PCDH19: variants seen among roughly 807,000 people sequenced by gnomAD.
The protein encoded by PCDH19 is protocadherin-19.
Under a neutral mutation model 46.2 loss-of-function variants are expected in PCDH19, and 6 were observed. The ratio of observed to expected loss-of-function variants is 0.13; its 90% CI spans 0.07 to 0.26. The LOEUF (loss-of-function observed/expected upper bound fraction) is 0.26. PCDH19 is among the 10% of genes least tolerant of loss of function. The pLI is 1.00. For missense variants in PCDH19, 740 were observed against 972.3 expected, an observed-to-expected ratio of 0.76 and a Z score of 3.18; for synonymous variants, 481 against 415.7, an observed-to-expected ratio of 1.16 and a Z score of -1.91.
intron 5 of PCDH19, among the ~76,000 whole-genome samples, chrX:100,321,914 T>G (rs865855321): frequency 9.6e-6 from 1 of 104,687 alleles, no homozygotes; most frequent in Non-Finnish European, 1.9e-5. Flanking sequence ...CTCAGCCTCC[T>G]GAGTAGCTGG....
chrX:100,305,043 C>A (rs1924899458), intron 5 of PCDH19, among the ~76,000 whole-genome samples: 1 of 111,854 alleles, frequency 8.9e-6, no homozygotes, highest in South Asian at 3.7e-4. Context: ...TGCTAGAGAT[C>A]TAGACATCCA....
chrX:100,313,805 G>C (rs1925205061), intron 5 of PCDH19, among the ~76,000 whole-genome samples: 1 of 107,705 alleles, frequency 9.3e-6, no homozygotes, highest in Admixed American at 1.0e-4. Context: ...GGCAGATGCA[G>C]AATTATATTT....
intron 5 of PCDH19, among the ~76,000 whole-genome samples, chrX:100,313,918 A>G (rs970689479): frequency 9.2e-6 from 1 of 108,781 alleles, no homozygotes; most frequent in Admixed American, 9.8e-5. Context: ...AAGTCTATAC[A>G]GAATTGTAAT....
chrX:100,405,819 T>C (rs62602760), intron 1 of PCDH19, among the ~76,000 whole-genome samples: 9 of 112,298 alleles, frequency 8.0e-5, no homozygotes, highest in Non-Finnish European at 1.7e-4. Flanking sequence ...AACATACAGA[T>C]GCCTGATAGA....
At chrX:100,316,278 T>C (rs1158785328) in intron 5 of PCDH19, among the ~76,000 whole-genome samples, 1 of 112,115 alleles carries the variant, frequency 8.9e-6, no homozygotes, top group Non-Finnish European at 1.9e-5. Flanking sequence ...AGAAAAATAG[T>C]TTTTCAATAG....
At chrX:100,332,922 A>G (rs1469839863) in intron 5 of PCDH19, among the ~76,000 whole-genome samples, 1 of 108,154 alleles carries the variant, frequency 9.2e-6, no homozygotes, top group African/African-American at 3.4e-5. Context: ...GGGTCGCCTG[A>G]GCCCAGGAGG....
At chrX:100,358,182 T>C (rs1463375096) in intron 3 of PCDH19, among the ~76,000 whole-genome samples, 1 of 112,074 alleles carries the variant, frequency 8.9e-6, no homozygotes. Context: ...TGACAACATA[T>C]GATAGTGTTC....
intron 3 of PCDH19, among the ~76,000 whole-genome samples, chrX:100,382,028 A>G (rs1475345080): frequency 9.0e-6 from 1 of 111,026 alleles, no homozygotes; most frequent in African/African-American, 3.3e-5. Context: ...TGAAATGAAC[A>G]GAAAATGGTT....
At chrX:100,366,338 G>C (rs182278296) in intron 3 of PCDH19, among the ~76,000 whole-genome samples, 1 of 111,677 alleles carries the variant, frequency 9.0e-6, no homozygotes, top group Non-Finnish European at 1.9e-5. Context: ...GACCACCAAG[G>C]GGAGCTGGAA....
intron 3 of PCDH19, among the ~76,000 whole-genome samples, chrX:100,366,556 A>T (rs778978203): frequency 8.9e-6 from 1 of 112,227 alleles, no homozygotes; most frequent in South Asian, 3.8e-4. Context: ...TCAGTAATTC[A>T]TATTTGGTGA....
chrX:100,319,865 C>T (rs746412683), intron 5 of PCDH19, among the ~76,000 whole-genome samples: 8 of 111,826 alleles, frequency 7.2e-5, no homozygotes, highest in Non-Finnish European at 1.5e-4. Context: ...GGGGAAAGAC[C>T]TCATTAAGTT....
At chrX:100,333,142 GAA>G (rs1253020809) in intron 5 of PCDH19, among the ~76,000 whole-genome samples, 7 of 45,331 alleles carry the variant, frequency 1.5e-4, no homozygotes, top group Non-Finnish European at 3.5e-4. Context: ...AGGAAGGAAG[GAA>G]GGAAGGAAGG....
chrX:100,400,273 C>G (rs770487545), intron 3 of PCDH19, among the ~76,000 whole-genome samples: 9 of 112,257 alleles, frequency 8.0e-5, no homozygotes, highest in Non-Finnish European at 1.5e-4. Context: ...TAGGGAGACA[C>G]AATCAGTAGT....
At chrX:100,406,359 A>T in intron 1 of PCDH19, 92 bp downstream of exon 1, 1 of 710,858 alleles carries the variant, frequency 1.4e-6, no homozygotes, top group Non-Finnish European at 2.2e-6. Flanking sequence ...GCATGCATTT[A>T]AGTAGGAAAC....
rs1431421647 is a variant in PCDH19, at chrX:100,332,554, T to C, written c.2848+9349A>G. ...AATGCTTGGTATCAATCCCTTAAAC[T>C]GGCTATGAATGGACTTAATTCCCCA... On this transcript the variant is annotated intron_variant, in intron 5 of 5. Transcript: ENST00000373034. 4.6e-5 allele frequency among the ~76,000 whole-genome samples: 5 copies of C among 109,589 alleles called. No individual in the cohort carries two copies. The South Asian group carries it at 1.2e-3, about 26-fold the overall frequency.
chrX:100,339,883 G>C (rs1926202788), intron 5 of PCDH19, among the ~76,000 whole-genome samples: 1 of 112,358 alleles, frequency 8.9e-6, no homozygotes, highest in Non-Finnish European at 1.9e-5. Flanking sequence ...AAATGTGAAA[G>C]TGTTGCCAAA....
intron 5 of PCDH19, among the ~76,000 whole-genome samples, chrX:100,309,444 G>A (rs1925063010): frequency 9.0e-6 from 1 of 111,088 alleles, no homozygotes; most frequent in Admixed American, 9.6e-5. Flanking sequence ...ACACATCTTG[G>A]GTGATGGGTG....
chrX:100,346,829 T>C (rs1313163107), intron 4 of PCDH19, among the ~76,000 whole-genome samples: 1 of 109,836 alleles, frequency 9.1e-6, no homozygotes, highest in Non-Finnish European at 1.9e-5. Flanking sequence ...TGCTTGATAT[T>C]GTTCCCAAAG....
intron 3 of PCDH19, among the ~76,000 whole-genome samples, chrX:100,356,646 T>G (rs535576479): frequency 7.2e-5 from 8 of 111,628 alleles, no homozygotes; most frequent in African/African-American, 2.6e-4. Context: ...CATCCCCAGC[T>G]GCCAACATTA....
Sources: allele counts gnomAD v4.1 joint callset (sites outside exome capture counted in the v4.1 genomes callset), GRCh38; gene constraint gnomAD v4.1.1; transcripts MANE v1.5; gene names NCBI Gene and HGNC (gene_info 2026-07-23, HGNC 2026-07-21).